SNTB1: variants seen among roughly 807,000 people sequenced by gnomAD.
SNTB1 encodes syntrophin beta 1.
A neutral mutation model predicts 48.9 loss-of-function variants in SNTB1; 36 were observed. The observed-to-expected ratio is 0.74, with a 90% confidence interval of 0.56 to 0.97. The LOEUF (loss-of-function observed/expected upper bound fraction) is 0.97, where lower values mean the gene tolerates loss of function less well. Among genes scored for constraint, SNTB1 ranks in the 50% least tolerant of loss-of-function variants. The pLI is 0.00. For missense variants in SNTB1, 786 were observed against 703.4 expected (o/e 1.12, Z -1.33); for synonymous variants, 299 against 294.6 (o/e 1.01, Z -0.15).
intron 2 of SNTB1, among the ~76,000 whole-genome samples, chr8:120,690,716 C>G (rs1015648575): frequency 1.3e-5 from 2 of 152,232 alleles, no homozygotes; most frequent in Admixed American, 1.3e-4. Flanking sequence ...GTGTCTCTTG[C>G]ATTCAGCATA....
chr8:120,730,979 G>A (rs1195577621), intron 1 of SNTB1, among the ~76,000 whole-genome samples: 1 of 151,936 alleles, frequency 6.6e-6, no homozygotes, highest in Non-Finnish European at 1.5e-5. Flanking sequence ...AAATTAGCCG[G>A]GTGTGGTGGC....
At chr8:120,765,358 A>G (rs1397451053) in intron 1 of SNTB1, among the ~76,000 whole-genome samples, 2 of 152,242 alleles carry the variant, frequency 1.3e-5, no homozygotes, top group Non-Finnish European at 1.5e-5. Flanking sequence ...TTGAAGAGAG[A>G]TAAGTGAAGT....
In SNTB1 at chr8:120,756,429, C is replaced by T. The variant is rs116902256; in HGVS notation, c.571+54844G>A. On this transcript the variant is annotated intron_variant, in intron 1 of 6. Coordinates refer to ENST00000517992, the MANE Select transcript of SNTB1 (RefSeq NM_021021.4). The stretch of plus-strand genomic sequence containing the variant: ...TGATGCAGGACACTCACTGGGGTAA[C>T]GATGTGATAAAATATTCAGAAGTGC... 2.5e-4 allele frequency among the ~76,000 whole-genome samples: 38 copies of T among 152,046 alleles called. No individual in the cohort carries two copies. In the East Asian group the frequency reaches 6.0e-3, roughly 24 times the overall value.
intron 1 of SNTB1, among the ~76,000 whole-genome samples, chr8:120,775,750 GGA>G (rs1819724835): frequency 7.6e-6 from 1 of 132,006 alleles, no homozygotes. Flanking sequence ...AAGGAAGGAA[GGA>G]AGGAAAGAAG....
At chr8:120,589,322 G>A (rs779086788) in intron 3 of SNTB1, among the ~76,000 whole-genome samples, 1 of 152,174 alleles carries the variant, frequency 6.6e-6, no homozygotes, top group Non-Finnish European at 1.5e-5. Context: ...GCTATGATAA[G>A]CTCTGCTCAG....
At chr8:120,588,472 G>T (rs1816185248) in intron 3 of SNTB1, among the ~76,000 whole-genome samples, 8 of 150,064 alleles carry the variant, frequency 5.3e-5, no homozygotes, top group Admixed American at 5.3e-4. Flanking sequence ...AACAAATTCT[G>T]AAGCCCACTT....
At chr8:120,628,494 C>G (rs1272193379) in intron 3 of SNTB1, among the ~76,000 whole-genome samples, 2 of 152,110 alleles carry the variant, frequency 1.3e-5, no homozygotes, top group Non-Finnish European at 2.9e-5. Flanking sequence ...TGGTGGCTCA[C>G]GCCTGTAATC....
At chr8:120,624,269 C>A (rs559425952) in intron 3 of SNTB1, among the ~76,000 whole-genome samples, 1 of 152,122 alleles carries the variant, frequency 6.6e-6, no homozygotes, top group South Asian at 2.1e-4. Flanking sequence ...AAGACATTTA[C>A]GTCTTATAGT....
intron 3 of SNTB1, among the ~76,000 whole-genome samples, chr8:120,606,222 A>G (rs1816514988): frequency 6.8e-6 from 1 of 147,762 alleles, no homozygotes; most frequent in African/African-American, 2.5e-5. Flanking sequence ...GAATTATAAT[A>G]TAATATAATT....
intron 1 of SNTB1, among the ~76,000 whole-genome samples, chr8:120,762,857 T>C (rs1819445878): frequency 6.6e-6 from 1 of 151,854 alleles, no homozygotes; most frequent in Admixed American, 6.6e-5. Flanking sequence ...CCAAATAGAG[T>C]AACAACAAAA....
At chr8:120,709,948 C>G (rs1818437049) in intron 1 of SNTB1, among the ~76,000 whole-genome samples, 1 of 152,102 alleles carries the variant, frequency 6.6e-6, no homozygotes, top group Non-Finnish European at 1.5e-5. Context: ...TAGTAGTTCC[C>G]TTTACCCTTT....
At chr8:120,726,092 C>T (rs780482353) in intron 1 of SNTB1, among the ~76,000 whole-genome samples, 2 of 152,148 alleles carry the variant, frequency 1.3e-5, no homozygotes, top group Non-Finnish European at 2.9e-5. Context: ...TTCTGTTTCT[C>T]CCATGTATTC....
intron 2 of SNTB1, among the ~76,000 whole-genome samples, chr8:120,649,815 C>A (rs542674214): frequency 6.6e-6 from 1 of 152,096 alleles, no homozygotes; most frequent in Non-Finnish European, 1.5e-5. Context: ...TAGCAATCAG[C>A]GAGACTCCGT....
intron 3 of SNTB1, among the ~76,000 whole-genome samples, chr8:120,611,824 A>C (rs901796826): frequency 1.8e-5 from 1 of 57,114 alleles, no homozygotes; most frequent in Non-Finnish European, 6.8e-5. Flanking sequence ...TCTGTCTCGA[A>C]AAAAAAAAAA....
rs558315729 is a variant in SNTB1 at position 120,781,512 on chromosome 8, C to A, written c.571+29761G>T. ...ATAAAGATATTTGAATTTAGACTCA[C>A]AAAGTCACAAAAAGACTAACTTCTA... is the stretch of plus-strand genomic sequence containing the variant. On this transcript the variant is annotated intron_variant, in intron 1 of 6. Transcript: ENST00000517992. 9.2e-5 allele frequency among the ~76,000 whole-genome samples: 13 copies of A among 141,292 alleles called. No homozygotes were observed. In the South Asian group the frequency reaches 2.3e-3, roughly 25 times the overall value. The allele number at this position is 141,292 out of a possible 152,430, so 92.7% of individuals were successfully genotyped here. A position where few individuals can be genotyped will look rare whatever the true frequency, so the allele number is the denominator to read the frequency against.
intron 1 of SNTB1, among the ~76,000 whole-genome samples, chr8:120,712,732 T>C (rs537919553): frequency 6.6e-6 from 1 of 152,320 alleles, no homozygotes; most frequent in Admixed American, 6.5e-5. Flanking sequence ...CATTCAGTGA[T>C]AGTTCATAGG....
intron 3 of SNTB1, among the ~76,000 whole-genome samples, chr8:120,610,623 C>T (rs986289188): frequency 3.3e-5 from 5 of 152,110 alleles, no homozygotes; most frequent in African/African-American, 9.7e-5. Flanking sequence ...AAGAAAAGTA[C>T]ACTTGGAAGA....
intron 1 of SNTB1, among the ~76,000 whole-genome samples, chr8:120,707,688 G>A (rs79295168): frequency 0.098 from 14,967 of 152,146 alleles, 731 homozygotes; most frequent in African/African-American, 0.12. Flanking sequence ...GGTTCATAGA[G>A]TTTAAATATC....
At chr8:120,730,648 C>T (rs184811698) in intron 1 of SNTB1, among the ~76,000 whole-genome samples, 29 of 152,294 alleles carry the variant, frequency 1.9e-4, no homozygotes, top group African/African-American at 6.0e-4. Context: ...TGGGATGAAT[C>T]GGAATCTCAG....
Sources: gnomAD v4.1 joint callset for allele counts (sites outside exome capture counted in the v4.1 genomes callset) on GRCh38, gnomAD v4.1.1 for gene constraint, MANE v1.5 for transcripts, NCBI Gene and HGNC (gene_info 2026-07-23, HGNC 2026-07-21) for gene names.